The following TTLL7 variants were observed in gnomAD, a reference collection of about 807,000 sequenced individuals.
TTLL7 encodes tubulin tyrosine ligase like 7.
In TTLL7, 53 loss-of-function variants were observed where a neutral mutation model predicts 120.2. That is an observed-to-expected ratio of 0.44 (90% CI 0.35 to 0.55). TTLL7 has a LOEUF of 0.55. Among genes scored for constraint, TTLL7 ranks in the 20% least tolerant of loss-of-function variants. TTLL7 has a pLI of 0.00. For missense variants in TTLL7, 803 were observed against 1,054.7 expected (o/e 0.76, Z 3.31); for synonymous variants, 353 against 351.7 (o/e 1.00, Z -0.04).
intron 1 of TTLL7, among the ~76,000 whole-genome samples, chr1:83,982,769 A>G (rs1039539734): frequency 6.6e-6 from 1 of 152,174 alleles, no homozygotes; most frequent in African/African-American, 2.4e-5. Context: ...TCAAAATACC[A>G]ATGTTATTTT....
At chr1:83,907,092 C>T (rs192634774) in intron 16 of TTLL7, among the ~76,000 whole-genome samples, 4 of 152,164 alleles carry the variant, frequency 2.6e-5, no homozygotes, top group Admixed American at 2.6e-4. Flanking sequence ...TATTAATCAA[C>T]TGTCCCATTA....
intron 8 of TTLL7, among the ~76,000 whole-genome samples, chr1:83,934,897 T>G (rs1489137917): frequency 1.3e-5 from 2 of 152,182 alleles, no homozygotes; most frequent in African/African-American, 4.8e-5. Context: ...GTAAGACTCT[T>G]AGCATAGAGC....
intron 1 of TTLL7, among the ~76,000 whole-genome samples, chr1:83,996,464 T>C (rs930372501): frequency 1.3e-5 from 2 of 152,214 alleles, no homozygotes; most frequent in Non-Finnish European, 2.9e-5. Flanking sequence ...GGCTTTCTCT[T>C]TGCCTATCAG....
At chr1:83,991,863 G>A (rs1488765568) in intron 1 of TTLL7, among the ~76,000 whole-genome samples, 1 of 151,960 alleles carries the variant, frequency 6.6e-6, no homozygotes, top group Non-Finnish European at 1.5e-5. Context: ...CCCAGTAGAA[G>A]CTACACTTGA....
Position 83,866,540 on chromosome 1 carries a change from A to G in TTLL7, c.*3422T>C, listed in dbSNP as rs1652927768. ...CTTCATTTGGGTTTGGTTTGGTTTT[A>G]GTTTTAGGGAGAAAGAAATAGTTGA... On this transcript the variant is annotated 3_prime_UTR_variant, in exon 21 of 21. Transcript: ENST00000260505. The G allele has an allele frequency of 6.6e-6, 1 of 151,792 alleles. No homozygotes were observed. The highest frequency in any genetic ancestry group is 1.5e-5 in the Non-Finnish European group (1 of 67,748). 9.4% of individuals were successfully genotyped at this position (151,792 alleles called of 1,614,324 possible). A position where few individuals can be genotyped will look rare whatever the true frequency, so the allele number is the denominator to read the frequency against.
At chr1:83,996,027 G>T (rs1417023910) in intron 1 of TTLL7, among the ~76,000 whole-genome samples, 1 of 152,026 alleles carries the variant, frequency 6.6e-6, no homozygotes, top group African/African-American at 2.4e-5. Flanking sequence ...TAATATAAAA[G>T]TAATATAGAT....
At chr1:83,993,383 A>C (rs1345411405) in intron 1 of TTLL7, among the ~76,000 whole-genome samples, 1 of 152,266 alleles carries the variant, frequency 6.6e-6, no homozygotes, top group African/African-American at 2.4e-5. Context: ...GAAAATGTTT[A>C]TAAAAACAGC....
chr1:83,907,749 A>G (rs1657328436), intron 15 of TTLL7, 88 bp from the exon 16 acceptor site: 1 of 1,156,898 alleles, frequency 8.6e-7, no homozygotes, highest in African/African-American at 1.5e-5. Context: ...TAAAGATTAT[A>G]GCAGCTAGTA....
rs1000170868 is a variant in TTLL7 at position 83,911,182 on chromosome 1, T to C, written c.1769A>G (p.Lys590Arg). The C allele has an allele frequency of 1.2e-6, 2 of 1,609,850 alleles. No homozygotes were observed. The highest frequency in any genetic ancestry group is 1.3e-5 in the African/African-American group (1 of 74,830). Residue 590 changes from lysine (K) to arginine (R), a missense_variant, in exon 15 of 21, where the codon AAA (lysine) becomes AGA (arginine). Around this residue, in one of 3 missense-constraint regions of TTLL7, gnomAD observed 388 missense variants for 450.4 expected, o/e 0.86. Transcript: ENST00000260505. ...TGACTTACTGGGTTGTTGAATTAAT[T>C]TGTAGTGGTTGGAGGGTTTAAGATT... ...TYNLKPSNHY[K>R]LIQQPSSIRR...
intron 6 of TTLL7, 129 bp from the exon 7 acceptor site, chr1:83,942,808 T>C (rs891760213): frequency 4.6e-5 from 30 of 651,418 alleles, no homozygotes; most frequent in Middle Eastern, 4.2e-4. Context: ...ACAAAAGCAA[T>C]GAAGAGCAAA....
intron 18 of TTLL7, among the ~76,000 whole-genome samples, chr1:83,892,849 A>AACACATAT (rs1324543072): frequency 4.6e-5 from 7 of 151,168 alleles, no homozygotes; most frequent in Non-Finnish European, 7.4e-5. Flanking sequence ...CACATATATG[A>AACACATAT]GTATATATAT....
intron 1 of TTLL7, among the ~76,000 whole-genome samples, chr1:83,959,454 A>C (rs1007829673): frequency 1.2e-4 from 18 of 152,142 alleles, no homozygotes; most frequent in Admixed American, 6.6e-5. Flanking sequence ...CAGGACTCTC[A>C]CTTTTTTTTC....
chr1:83,954,480 C>T (rs1181557597), intron 1 of TTLL7, among the ~76,000 whole-genome samples: 1 of 152,200 alleles, frequency 6.6e-6, no homozygotes, highest in African/African-American at 2.4e-5. Context: ...TCCCACCACT[C>T]ATTTGAAACC....
intron 18 of TTLL7, among the ~76,000 whole-genome samples, chr1:83,901,499 C>T (rs532639839): frequency 1.3e-5 from 2 of 152,050 alleles, no homozygotes; most frequent in African/African-American, 2.4e-5. Flanking sequence ...TAGCAACTTA[C>T]CTACACTTCT....
intron 10 of TTLL7, among the ~76,000 whole-genome samples, chr1:83,924,724 A>G: frequency 6.6e-6 from 1 of 152,176 alleles, no homozygotes; most frequent in Non-Finnish European, 1.5e-5. Flanking sequence ...GGTAAATATT[A>G]TGTTAAGGGT....
chr1:83,880,938 A>G (rs933308713), intron 20 of TTLL7, among the ~76,000 whole-genome samples: 5 of 152,138 alleles, frequency 3.3e-5, no homozygotes, highest in Admixed American at 3.3e-4. Flanking sequence ...ATAATGCCGC[A>G]TATCTACAAC....
intron 20 of TTLL7, among the ~76,000 whole-genome samples, chr1:83,877,625 T>C (rs111636942): frequency 0.024 from 3,664 of 152,144 alleles, 73 homozygotes; most frequent in African/African-American, 0.053. Context: ...CAGCATGAAA[T>C]TGTTCGTAAC....
intron 1 of TTLL7, chr1:83,980,562 A>G (rs1651863644): frequency 6.6e-6 from 1 of 152,216 alleles, no homozygotes; most frequent in Non-Finnish European, 1.5e-5. Context: ...AGGAATGAGG[A>G]GTGAAAAAAG....
chr1:83,868,566 T>C lies in TTLL7; in HGVS notation c.*1396A>G, dbSNP rs1292653215. The C allele has an allele frequency of 1.3e-5, 2 of 152,226 alleles. No homozygotes were observed. The highest frequency in any genetic ancestry group is 2.9e-5 in the Non-Finnish European group (2 of 68,032). The allele number at this position is 152,226 out of a possible 1,614,324, so 9.4% of individuals were successfully genotyped here. ...AATATGTGATAATTGAAATCTTCTA[T>C]TCACAATCCTTTAACTGTTTCTGTG... On this transcript the variant is annotated 3_prime_UTR_variant, in exon 21 of 21. Transcript: ENST00000260505.
Sources: gnomAD v4.1 joint callset for allele counts (sites outside exome capture counted in the v4.1 genomes callset) on GRCh38, gnomAD v4.1.1 for gene constraint, gnomAD v4.1.1 regional missense constraint, MANE v1.5 for transcripts, NCBI Gene and HGNC (gene_info 2026-07-23, HGNC 2026-07-21) for gene names.